MRPS2: variants seen among roughly 807,000 people sequenced by gnomAD.
MRPS2 encodes the protein mitochondrial ribosomal protein S2.
In MRPS2, 13 loss-of-function variants were observed where a neutral mutation model predicts 18.9. The observed-to-expected ratio is 0.69, with a 90% CI of 0.45 to 1.09. The LOEUF (loss-of-function observed/expected upper bound fraction) is 1.09, where lower values mean the gene tolerates loss of function less well. Among genes scored for constraint, MRPS2 ranks in the 50% least tolerant of loss-of-function variants. The pLI is 0.00. For missense variants in MRPS2, 389 were observed against 421.7 expected (o/e 0.92, Z 0.68); for synonymous variants, 186 against 178.4 (o/e 1.04, Z -0.34).
At position 135,504,179 on chromosome 9, in the gene MRPS2, C is replaced by T. The variant is rs1383893509; in HGVS notation, c.*46C>T. On this transcript the variant is annotated 3_prime_UTR_variant, in exon 4 of 4. Coordinates refer to ENST00000241600, the MANE Select transcript of MRPS2 (RefSeq NM_016034.5). The surrounding 1 kb of genome is among the most constrained non-coding windows in gnomAD (Gnocchi z 4.3). ...CAAACCACAGCCAAGCCTGTCTGAG[C>T]TGGGAGTCCCCTTCCCCAGCCCTGG... 4 of 1,485,778 alleles carry T rather than the reference C, an allele frequency of 2.7e-6. No individual in the cohort carries two copies. The East Asian group carries it at 7.1e-5, about 26-fold the overall frequency. 92.0% of individuals were successfully genotyped at this position (1,485,778 alleles called of 1,614,324 possible). A position where few individuals can be genotyped will look rare whatever the true frequency, so the allele number is the denominator to read the frequency against.
rs953055100 is a variant in MRPS2, at chr9:135,504,458, G to A, written c.*325G>A. On this transcript the variant is annotated 3_prime_UTR_variant, in exon 4 of 4. Coordinates refer to ENST00000241600, the MANE Select transcript of MRPS2 (RefSeq NM_016034.5). The surrounding 1 kb of genome is among the most constrained non-coding windows in gnomAD (Gnocchi z 4.3). ...TGATCCCAGCAGCCCTCCCTTCACC[G>A]TGACCCCTGACCTTTGTCAGGAAGG... The A allele has an allele frequency of 2.2e-5, 8 of 357,548 alleles. No homozygotes were observed. Among genetic ancestry groups the A allele is most frequent in the East Asian group, 1.1e-4 (2 of 18,796 alleles). 22.1% of individuals were successfully genotyped at this position (357,548 alleles called of 1,614,324 possible).
chr9:135,499,977 G>T, upstream of MRPS2: 1 of 1,150,480 alleles, frequency 8.7e-7, no homozygotes, highest in Non-Finnish European at 1.2e-6. Flanking sequence ...TCTGCGGGTG[G>T]GTCCGGAACC....
At chr9:135,501,362 GCTTCGCTCCC>G in intron 2 of MRPS2, 1 of 1,378,812 alleles carries the variant, frequency 7.3e-7, no homozygotes, top group Non-Finnish European at 9.4e-7. Context: ...GTTAGCACAG[GCTTCGCTCCC>G]TAGGGGGGTG....
At chr9:135,500,188 G>A (rs577731381), upstream of MRPS2, 5 of 356,804 alleles carry the variant, frequency 1.4e-5, no homozygotes, top group South Asian at 2.2e-4. Flanking sequence ...AGCACTGCAG[G>A]TCCACTCGGC....
chr9:135,500,123 C>T (rs1473248427), upstream of MRPS2: 2 of 462,574 alleles, frequency 4.3e-6, no homozygotes, highest in East Asian at 4.0e-5. Flanking sequence ...GCGTGGACTC[C>T]CGGGCGAAAG....
In MRPS2 at chr9:135,502,155, C is replaced by T. The variant is rs893775751; in HGVS notation, c.299+182C>T. 2.7e-5 allele frequency: 38 copies of T among 1,403,742 alleles called. No homozygotes were observed. The East Asian group carries it at 4.0e-4, about 15-fold the overall frequency. 87.0% of individuals were successfully genotyped at this position (1,403,742 alleles called of 1,614,324 possible). ...GGAGTTTATTCCTCAGCTTGGCGGA[C>T]GCTCTTGTGTGCCTTGGTGTGGCGC... On this transcript the variant is annotated intron_variant, in intron 3 of 3. Transcript: ENST00000241600.
At chr9:135,500,533 C>T (rs1454276949), upstream of MRPS2, 15 of 591,406 alleles carry the variant, frequency 2.5e-5, no homozygotes, top group South Asian at 3.2e-4. Flanking sequence ...AGCCCAGGAC[C>T]CCGGGCCCTG....
At position 135,504,329 on chromosome 9, in the gene MRPS2, A is replaced by G; in HGVS notation, c.*196A>G. 1.6e-6 allele frequency: 1 copy of G among 614,152 alleles called. No individual in the cohort carries two copies. The highest frequency in any genetic ancestry group is 2.8e-6 in the Non-Finnish European group (1 of 351,028). The allele number at this position is 614,152 out of a possible 1,614,324, so 38.0% of individuals were successfully genotyped here. ...GCCATGTGCGTTTGCTCTGTGGGGAACAGAGCACAGAGGGTGAGCGACATG... is the reference window on the plus strand; with the variant it reads ...GCCATGTGCGTTTGCTCTGTGGGGAGCAGAGCACAGAGGGTGAGCGACATG... On this transcript the variant is annotated 3_prime_UTR_variant, in exon 4 of 4. Coordinates refer to ENST00000241600, the MANE Select transcript of MRPS2 (RefSeq NM_016034.5). This position sits in a 1 kb window ranked among gnomAD's most constrained non-coding sequence, Gnocchi z 4.3.
In MRPS2 at chr9:135,501,852, G is replaced by C. The variant is rs1831151252; in HGVS notation, c.178G>C (p.Asp60His). The change falls in exon 3 of 4, where the codon GAC (aspartate) becomes CAC (histidine). Residue 60 changes from aspartate to histidine, a missense_variant. Asp to His is a moderately conservative substitution (Grantham distance 81). Coordinates refer to ENST00000241600, the MANE Select transcript of MRPS2 (RefSeq NM_016034.5). Reference sequence around the variant, plus strand: ...CCTCCTCCCTGCCGTAGATTTCAACGACAAGATTTTGAATGAGCCCCTCAA... The same window carrying C: ...CCTCCTCCCTGCCGTAGATTTCAACCACAAGATTTTGAATGAGCCCCTCAA... The part of the protein sequence containing the change: ...RESEDSTDFN[D>H]KILNEPLKHS... 2 of 1,613,422 alleles carry C rather than the reference G, an allele frequency of 1.2e-6. No individual in the cohort carries two copies. Among genetic ancestry groups the C allele is most frequent in the African/African-American group, 1.3e-5 (1 of 74,932 alleles).
chr9:135,502,992 C>T, intron 3 of MRPS2: 3 of 561,100 alleles, frequency 5.3e-6, no homozygotes, highest in South Asian at 1.5e-4. Flanking sequence ...GTGGATGACT[C>T]GCCTGTCACG....
chr9:135,502,460 G>A, intron 3 of MRPS2: 1 of 225,944 alleles, frequency 4.4e-6, no homozygotes, highest in Admixed American at 6.0e-5. Context: ...CGGAAGAGCT[G>A]GAGCAGCAGG....
At chr9:135,503,454 C>T (rs773454738) in intron 3 of MRPS2, 88 bp from the exon 4 acceptor site, 1 of 1,434,132 alleles carries the variant, frequency 7.0e-7, no homozygotes, top group East Asian at 2.4e-5. Context: ...CCCGGGAGTC[C>T]CTGGTGGGCG....
rs117542222 is a variant in MRPS2, at chr9:135,502,068, G to C, written c.299+95G>C. On this transcript the variant is annotated intron_variant, in intron 3 of 3. Transcript: ENST00000241600. The stretch of plus-strand genomic sequence containing the variant: ...GCCACTTTTGAACTGGCCTATGTCA[G>C]TTTTAGGTGATTACAGCCCCATCCT... 2,178 of 1,570,730 alleles carry C rather than the reference G, an allele frequency of 1.4e-3. 2 individuals carry two copies. The highest frequency in any genetic ancestry group is 1.7e-3 in the Non-Finnish European group (2,000 of 1,160,578).
chr9:135,503,294 A>T, intron 3 of MRPS2: 1 of 1,390,176 alleles, frequency 7.2e-7, no homozygotes, highest in Non-Finnish European at 9.3e-7. Context: ...TTCTATTAGG[A>T]TTCCTTCGGG....
chr9:135,500,634 C>T, upstream of MRPS2: 1 of 1,381,882 alleles, frequency 7.2e-7, no homozygotes, highest in Non-Finnish European at 9.3e-7. Context: ...CACTGCGGCC[C>T]CGCGCGGATG....
rs748503209 is a variant in MRPS2 at position 135,504,012 on chromosome 9, T to C, written c.770T>C (p.Ile257Thr). ...HLYCRLFQTA[I>T]TRAKEKRQQV... is the part of the protein sequence containing the mutation. ...TACTGCAGGCTCTTCCAGACGGCCA[T>C]CACCCGGGCCAAGGAGAAGCGGCAG... Residue 257 changes from isoleucine to threonine, a missense_variant, in exon 4 of 4, where the codon ATC becomes ACC. Ile to Thr is a moderately conservative substitution (Grantham distance 89, BLOSUM62 -1). Coordinates refer to ENST00000241600, the MANE Select transcript of MRPS2 (RefSeq NM_016034.5). This position sits in a 1 kb window ranked among gnomAD's most constrained non-coding sequence, Gnocchi z 4.3. 4 of 1,613,426 alleles carry C rather than the reference T, an allele frequency of 2.5e-6. No individual in the cohort carries two copies.
chr9:135,503,752 C>T lies in MRPS2; in HGVS notation c.510C>T (p.Tyr170=), dbSNP rs1564221253. Reference sequence around the variant, plus strand: ...GTGGCGAGTACGCCCACACTCGCTACTTCAGGGGCGGCATGCTGACCAACG... The same window carrying T: ...GTGGCGAGTACGCCCACACTCGCTATTTCAGGGGCGGCATGCTGACCAACG... ...RDCGEYAHTR[Y]FRGGMLTNAR... The change falls in exon 4 of 4, where the codon TAC becomes TAT. Residue 170 remains tyrosine, a synonymous_variant. Transcript: ENST00000241600. 1.2e-6 allele frequency: 2 copies of T among 1,613,034 alleles called. No individual in the cohort carries two copies. Among genetic ancestry groups the T allele is most frequent in the Non-Finnish European group, 1.7e-6 (2 of 1,179,986 alleles).
chr9:135,500,839 T>C (rs2119356019), intron 1 of MRPS2, 86 bp downstream of exon 1: 1 of 1,475,516 alleles, frequency 6.8e-7, no homozygotes, highest in Non-Finnish European at 9.0e-7. Flanking sequence ...GGCGGGGACG[T>C]GGAGGGGACC....
chr9:135,501,025 G>A lies in MRPS2; in HGVS notation c.71G>A (p.Gly24Asp), dbSNP rs138860958. The change falls in exon 2 of 4, where the codon GGC (glycine) becomes GAC (aspartate). Residue 24 changes from glycine (G) to aspartate (D), a missense_variant. By Grantham distance (94) the Gly-to-Asp change is moderately conservative. Coordinates refer to ENST00000241600, the MANE Select transcript of MRPS2 (RefSeq NM_016034.5). ...AGARAPSRWL[G>D]FLGKATPRPA... The stretch of plus-strand genomic sequence containing the variant: ...GCCCGGGCCCCGTCGCGCTGGTTGG[G>A]CTTTCTCGGGAAGGCGACCCCCCGG... 136 of 1,611,614 alleles carry A rather than the reference G, an allele frequency of 8.4e-5. 1 individual carries two copies. The highest frequency in any genetic ancestry group is 4.9e-4 in the Middle Eastern group (3 of 6,068).
Sources: gnomAD v4.1 joint callset for allele counts on GRCh38, gnomAD v4.1.1 for gene constraint, Gnocchi (gnomAD v3.1) non-coding constraint, MANE v1.5 for transcripts, NCBI Gene and HGNC (gene_info 2026-07-23, HGNC 2026-07-21) for gene names.